The following DHX38 variants were observed in gnomAD, a reference collection of about 807,000 sequenced individuals.
DHX38 encodes the protein pre-mRNA-splicing factor ATP-dependent RNA helicase PRP16.
Under a neutral mutation model 153.1 loss-of-function variants are expected in DHX38, and 100 were observed. The observed-to-expected ratio is 0.65, with a 90% CI of 0.56 to 0.77. The LOEUF (loss-of-function observed/expected upper bound fraction) is 0.77, where lower values mean the gene tolerates loss of function less well. Among genes scored for constraint, DHX38 ranks in the 30% least tolerant of loss-of-function variants. The pLI is 0.00. For missense variants in DHX38, 1,440 were observed against 1,654.0 expected, an observed-to-expected ratio of 0.87 and a Z score of 2.24; for synonymous variants, 650 against 631.7, an observed-to-expected ratio of 1.03 and a Z score of -0.43.
Position 72,100,473 on chromosome 16 carries a change from G to T in DHX38, c.1154G>T (p.Ser385Ile). ...ERWETNRMLT[S>I]GVVHRLEVDE... Reference sequence around the variant, plus strand: ...TGGGAGACAAACCGCATGCTCACCAGTGGGGTGGTCCATCGGCTGGAGGTG... The same window carrying T: ...TGGGAGACAAACCGCATGCTCACCATTGGGGTGGTCCATCGGCTGGAGGTG... The change falls in exon 9 of 27, where the codon AGT (serine) becomes ATT (isoleucine). Residue 385 changes from serine (S) to isoleucine (I), a missense_variant. Physicochemically the swap from Ser to Ile is moderately radical, Grantham distance 142. Coordinates refer to ENST00000268482, the MANE Select transcript of DHX38 (RefSeq NM_014003.4). 1 of 1,614,198 alleles carries T rather than the reference G, an allele frequency of 6.2e-7. No individual in the cohort carries two copies. The highest frequency in any genetic ancestry group is 8.5e-7 in the Non-Finnish European group (1 of 1,180,018).
intron 26 of DHX38, 119 bp from the exon 27 acceptor site, chr16:72,112,294 C>A: frequency 1.1e-6 from 1 of 939,940 alleles, no homozygotes. Context: ...GGAGATCCCT[C>A]GGCCCAGAGC....
At chr16:72,100,983 T>C in intron 9 of DHX38, 103 bp from the exon 10 acceptor site, 1 of 1,145,710 alleles carries the variant, frequency 8.7e-7, no homozygotes, top group Non-Finnish European at 1.3e-6. Flanking sequence ...AAAATAGCCC[T>C]GTACCATGAG....
Position 72,108,876 on chromosome 16 carries a change from G to A in DHX38, c.3332G>A (p.Gly1111Asp), listed in dbSNP as rs1165435485. ...LHPTSSLFGM[G>D]YTPDYIVYHE... is the part of the protein sequence containing the mutation. ...CCCACCAGCTCCCTTTTTGGAATGG[G>A]CTACACCCCAGATTACATAGTGTAT... The change falls in exon 24 of 27, where the codon GGC (glycine) becomes GAC (aspartate). Residue 1111 changes from glycine (G) to aspartate (D), a missense_variant. By Grantham distance (94) the Gly-to-Asp change is moderately conservative. Transcript: ENST00000268482. 1 of 1,613,834 alleles carries A rather than the reference G, an allele frequency of 6.2e-7. No individual in the cohort carries two copies. Among genetic ancestry groups the A allele is most frequent in the Admixed American group, 1.7e-5 (1 of 59,944 alleles).
chr16:72,101,396 G>GAGTTTAC, intron 10 of DHX38, 104 bp from the exon 11 acceptor site: 2 of 1,254,108 alleles, frequency 1.6e-6, no homozygotes, highest in Non-Finnish European at 2.2e-6. Flanking sequence ...CACTCTGGGG[G>GAGTTTAC]AGTTTACCAC....
At chr16:72,100,300 G>A (rs2042082554) in intron 8 of DHX38, 136 bp from the exon 9 acceptor site, 2 of 1,198,832 alleles carry the variant, frequency 1.7e-6, no homozygotes, top group Non-Finnish European at 2.3e-6. Flanking sequence ...CTTTGGAGCT[G>A]TGGGTAGAGG....
At chr16:72,112,208 T>A (rs1036528671) in intron 26 of DHX38, 1 of 599,284 alleles carries the variant, frequency 1.7e-6, no homozygotes, top group Non-Finnish European at 3.0e-6. Flanking sequence ...CTAAAGCATA[T>A]CGGAATGAGT....
Position 72,108,598 on chromosome 16 carries a change from C to A in DHX38, c.3246C>A (p.Ala1082=), listed in dbSNP as rs749912225. 263 of 1,613,738 alleles carry A rather than the reference C, an allele frequency of 1.6e-4. No homozygotes were observed. The highest frequency in any genetic ancestry group is 2.1e-4 in the Non-Finnish European group (253 of 1,179,886). The change falls in exon 23 of 27, where the codon GCC becomes GCA. Residue 1082 remains alanine, a synonymous_variant. Transcript: ENST00000268482. ...CICAAYFHQA[A]KLKGIGEYVN... ...GTGCTGCCTATTTCCACCAAGCAGCCAAGCTCAAGGTGAACCCAGGAGCCC... is the reference window on the plus strand; with the variant it reads ...GTGCTGCCTATTTCCACCAAGCAGCAAAGCTCAAGGTGAACCCAGGAGCCC...
chr16:72,097,032 T>C (rs2042031431), intron 3 of DHX38, 23 bp downstream of exon 3: 6 of 1,588,560 alleles, frequency 3.8e-6, no homozygotes, highest in Admixed American at 3.5e-5. Flanking sequence ...GCACAGTTCC[T>C]ATTGTCCATT....
intron 25 of DHX38, among the ~76,000 whole-genome samples, chr16:72,110,730 T>G (rs1363241888): frequency 2.0e-5 from 3 of 152,244 alleles, no homozygotes; most frequent in Non-Finnish European, 4.4e-5. Flanking sequence ...CTTCCTGGAC[T>G]GAGGGATGAC....
At chr16:72,094,541 A>G (rs2041979378) in intron 1 of DHX38, 1 of 152,234 alleles carries the variant, frequency 6.6e-6, no homozygotes, top group African/African-American at 2.4e-5. Flanking sequence ...TAATTGTTGA[A>G]TGAATGAATC....
In DHX38 at chr16:72,105,736, A is replaced by G. The variant is rs185215609; in HGVS notation, c.2487+112A>G. On this transcript the variant is annotated intron_variant, in intron 18 of 26. Coordinates refer to ENST00000268482, the MANE Select transcript of DHX38 (RefSeq NM_014003.4). ...CCCTGGGATGTGGGGAGCGCGTGGA[A>G]GTGGTGGTGGTGGTGGGAGGCTCAC... 1,338 of 1,065,834 alleles carry G rather than the reference A, an allele frequency of 1.3e-3. 5 individuals are homozygous for G. The Middle Eastern group carries it at 0.013, about 10-fold the overall frequency. The allele number at this position is 1,065,834 out of a possible 1,614,324, so 66.0% of individuals were successfully genotyped here. A position where few individuals can be genotyped will look rare whatever the true frequency, so the allele number is the denominator to read the frequency against.
rs926645335 is a variant in DHX38 at position 72,108,377 on chromosome 16, C to G, written c.3115C>G (p.Arg1039Gly). 2 of 1,613,944 alleles carry G rather than the reference C, an allele frequency of 1.2e-6. No individual in the cohort carries two copies. The highest frequency in any genetic ancestry group is 1.7e-6 in the Non-Finnish European group (2 of 1,180,010). Residue 1039 changes from arginine to glycine, a missense_variant, in exon 22 of 27, where the codon CGG (arginine) becomes GGG (glycine). By Grantham distance (125) the Arg-to-Gly change is moderately radical. Transcript: ENST00000268482. ...TCATTTCATCCATGCTAAGGCCATG[C>G]GGAAGGTAGAGTGGTGGATGAGCAG... ...NDHFIHAKAM[R>G]KVREVRAQLK...
In DHX38 at chr16:72,099,673, T is replaced by C. The variant is rs928553589; in HGVS notation, c.961-59T>C. On this transcript the variant is annotated intron_variant, in intron 7 of 26. Transcript: ENST00000268482. ...CAAGCGTCCCTTCTTCTGTTGGCCATGTCTCGTGCATAAACTTGATCTGTC... is the reference window on the plus strand; with the variant it reads ...CAAGCGTCCCTTCTTCTGTTGGCCACGTCTCGTGCATAAACTTGATCTGTC... 3.1e-6 allele frequency: 5 copies of C among 1,598,342 alleles called. No individual in the cohort carries two copies. The African/African-American group carries it at 4.0e-5, about 13-fold the overall frequency.
chr16:72,096,579 G>A (rs2042022154), intron 2 of DHX38, 99 bp downstream of exon 2: 1 of 1,463,990 alleles, frequency 6.8e-7, no homozygotes, highest in South Asian at 1.4e-5. Flanking sequence ...GAGATTTAGA[G>A]CTTTATGATT....
chr16:72,105,029 C>G lies in DHX38; in HGVS notation c.2154C>G (p.Thr718=), dbSNP rs552187170. 2.0e-5 allele frequency: 33 copies of G among 1,613,882 alleles called. No individual in the cohort carries two copies. The South Asian group carries it at 3.2e-4, about 16-fold the overall frequency. ...CTGTGTCCCCACTGCTGTTGCAGAC[C>G]CCACAGGAGGATTACGTGGAGGCTG... is the stretch of plus-strand genomic sequence containing the variant. ...TFPVDILFSK[T]PQEDYVEAAV... The change falls in exon 16 of 27, where the codon ACC becomes ACG. Residue 718 remains threonine (T), a splice_region_variant and synonymous_variant. Coordinates refer to ENST00000268482, the MANE Select transcript of DHX38 (RefSeq NM_014003.4).
chr16:72,108,580 C>G lies in DHX38; in HGVS notation c.3228C>G (p.Ala1076=), dbSNP rs752168059. 6.2e-7 allele frequency: 1 copy of G among 1,614,076 alleles called. No homozygotes were observed. Among genetic ancestry groups the G allele is most frequent in the Non-Finnish European group, 8.5e-7 (1 of 1,179,986 alleles). The change falls in exon 23 of 27, where the codon GCC becomes GCG. Residue 1076 remains alanine (A), a synonymous_variant. Transcript: ENST00000268482. Reference sequence around the variant, plus strand: ...TCGTCAGGAAGTGCATCTGTGCTGCCTATTTCCACCAAGCAGCCAAGCTCA... The same window carrying G: ...TCGTCAGGAAGTGCATCTGTGCTGCGTATTTCCACCAAGCAGCCAAGCTCA... ...WDIVRKCICA[A]YFHQAAKLKG...
At chr16:72,099,422 T>A (rs1489760739) in intron 7 of DHX38, 142 bp downstream of exon 7, 1 of 792,924 alleles carries the variant, frequency 1.3e-6, no homozygotes, top group Admixed American at 2.9e-5. Flanking sequence ...TGCAGAGGCA[T>A]AGACGGCACG....
chr16:72,105,704 C>A, intron 18 of DHX38, 80 bp downstream of exon 18: 3 of 1,382,770 alleles, frequency 2.2e-6, no homozygotes, highest in Non-Finnish European at 3.1e-6. Flanking sequence ...CAGGGCCTCG[C>A]TCCTGGCCCT....
In DHX38 at chr16:72,097,686, A is replaced by T. The variant is rs757140615; in HGVS notation, c.521A>T (p.Asp174Val). Reference sequence around the variant, plus strand: ...GTGTGACTCTTCATAGATGAGCGGGATAGAAGTAGGCACAGCAGCAGATCA... The same window carrying T: ...GTGTGACTCTTCATAGATGAGCGGGTTAGAAGTAGGCACAGCAGCAGATCA... Reference protein sequence around the residue: ...YDRKRDRDERDRSRHSSRSER... With the variant: ...YDRKRDRDERVRSRHSSRSER... Residue 174 changes from aspartate to valine, a missense_variant, in exon 4 of 27, where the codon GAT (aspartate) becomes GTT (valine). Asp to Val is a radical substitution (Grantham distance 152). This residue lies in a region of DHX38 where 483 missense variants were observed against 465.1 expected (regional missense o/e 1.04). Coordinates refer to ENST00000268482, the MANE Select transcript of DHX38 (RefSeq NM_014003.4). 1 of 1,614,006 alleles carries T rather than the reference A, an allele frequency of 6.2e-7. No individual in the cohort carries two copies. Among genetic ancestry groups the T allele is most frequent in the South Asian group, 1.1e-5 (1 of 91,040 alleles).
Sources: gnomAD v4.1 joint callset for allele counts (sites outside exome capture counted in the v4.1 genomes callset) on GRCh38, gnomAD v4.1.1 for gene constraint, gnomAD v4.1.1 regional missense constraint, MANE v1.5 for transcripts, NCBI Gene and HGNC (gene_info 2026-07-23, HGNC 2026-07-21) for gene names.